NAV2: variants seen among roughly 807,000 people sequenced by gnomAD.
NAV2 encodes the protein neuron navigator 2.
A neutral mutation model predicts 223.2 loss-of-function variants in NAV2; 54 were observed. The ratio of observed to expected loss-of-function variants is 0.24; its 90% CI spans 0.19 to 0.30. NAV2 has a LOEUF of 0.30. NAV2 is among the 10% of genes least tolerant of loss of function. The pLI, the probability that NAV2 is intolerant of heterozygous loss-of-function variation, is 1.00. For missense variants in NAV2, 2,806 were observed against 3,147.5 expected (o/e 0.89, Z 2.60); for synonymous variants, 1,279 against 1,239.3 (o/e 1.03, Z -0.67).
Position 19,721,733 on chromosome 11 carries a change from T to C in NAV2, c.267+7771T>C, listed in dbSNP as rs190867513. On this transcript the variant is annotated intron_variant, in intron 1 of 37. Transcript: ENST00000349880. ...AAAATTGGAGATATTTGATTGTAGATTGTGTATTAGATAGTATTATTCTAT... is the reference window on the plus strand; with the variant it reads ...AAAATTGGAGATATTTGATTGTAGACTGTGTATTAGATAGTATTATTCTAT... 1.9e-3 allele frequency among the ~76,000 whole-genome samples: 285 copies of C among 152,346 alleles called. 1 individual carries two copies. The highest frequency in any genetic ancestry group is 6.3e-3 in the African/African-American group (261 of 41,582).
chr11:19,964,211 C>G (rs564661292), intron 10 of NAV2, among the ~76,000 whole-genome samples: 11 of 152,140 alleles, frequency 7.2e-5, no homozygotes, highest in Non-Finnish European at 1.6e-4. Context: ...TTTTCTCCCT[C>G]CTTTGCAAGC....
intron 5 of NAV2, chr11:19,884,365 T>C (rs1323498284): frequency 1.2e-6 from 2 of 1,612,624 alleles, no homozygotes; most frequent in Non-Finnish European, 1.7e-6. Flanking sequence ...ATCTCTAGGT[T>C]AGACTTTCTC....
intron 11 of NAV2, among the ~76,000 whole-genome samples, chr11:19,995,647 C>A (rs993519378): frequency 6.6e-6 from 1 of 152,024 alleles, no homozygotes; most frequent in Non-Finnish European, 1.5e-5. Flanking sequence ...AGGACAGCTG[C>A]GGTGGAGAGT....
intron 11 of NAV2, chr11:20,023,166 G>T (rs1278381849): frequency 1.3e-6 from 2 of 1,547,336 alleles, no homozygotes; most frequent in Non-Finnish European, 1.7e-6. Flanking sequence ...TGGGGCCAGG[G>T]GGTGGGTGTG....
chr11:20,080,232 G>A, intron 25 of NAV2, 23 bp downstream of exon 25: 1 of 1,607,010 alleles, frequency 6.2e-7, no homozygotes, highest in African/African-American at 1.3e-5. Flanking sequence ...CCACTCTCCT[G>A]GGGACTGACG....
rs184658937 is a variant in NAV2 at position 19,443,107 on chromosome 11, C to T, written c.75+92080C>T. Reference sequence around the variant, plus strand: ...CATGAATCTTGGGCATCATATTCCTCATACCACTTCCTTCTTCCTGAAGTC... The same window carrying T: ...CATGAATCTTGGGCATCATATTCCTTATACCACTTCCTTCTTCCTGAAGTC... On this transcript the variant is annotated intron_variant, in intron 1 of 37. Transcript: ENST00000360655. Among the ~76,000 whole-genome samples, 55 of 152,324 alleles carry T rather than the reference C, an allele frequency of 3.6e-4. No individual in the cohort carries two copies. In the East Asian group the frequency reaches 5.4e-3, roughly 15 times the overall value.
chr11:19,802,220 CAGA>C (rs984268436), intron 1 of NAV2, among the ~76,000 whole-genome samples: 1 of 152,010 alleles, frequency 6.6e-6, no homozygotes, highest in African/African-American at 2.4e-5. Flanking sequence ...TATAGGAGGT[CAGA>C]AGGTCTTTAC....
chr11:19,981,380 C>T (rs1335180182), intron 10 of NAV2: 1 of 152,198 alleles, frequency 6.6e-6, no homozygotes, highest in African/African-American at 2.4e-5. Flanking sequence ...GGAATGCTCA[C>T]CAGGCCCCAC....
intron 8 of NAV2, among the ~76,000 whole-genome samples, chr11:19,945,487 A>G (rs181047145): frequency 1.3e-5 from 2 of 152,140 alleles, no homozygotes; most frequent in Admixed American, 6.5e-5. Context: ...ACATCGTCCA[A>G]CCTTAGCCTC....
chr11:19,947,100 T>A (rs990582684), intron 9 of NAV2, among the ~76,000 whole-genome samples: 6 of 152,182 alleles, frequency 3.9e-5, no homozygotes, highest in African/African-American at 1.4e-4. Flanking sequence ...GTTTTATAGT[T>A]GTAGAAATCA....
rs1329363909 is a variant in NAV2 at position 19,713,441 on chromosome 11, C to A, written c.-255C>A. On this transcript the variant is annotated 5_prime_UTR_variant, in exon 1 of 38. Transcript: ENST00000349880. This position sits in a 1 kb window ranked among gnomAD's most constrained non-coding sequence, Gnocchi z 7.2. ...AAGGCCACCCAGGAGAGGTGTGAGA[C>A]CCGGCGGCAGCATCCGTCCAGGTGG... 1.0e-5 allele frequency: 13 copies of A among 1,274,102 alleles called. No individual in the cohort carries two copies. The highest frequency in any genetic ancestry group is 1.1e-5 in the Non-Finnish European group (11 of 1,014,252). 78.9% of individuals were successfully genotyped at this position (1,274,102 alleles called of 1,614,324 possible).
At chr11:19,969,152 T>G (rs2568127) in intron 10 of NAV2, among the ~76,000 whole-genome samples, 1 of 152,126 alleles carries the variant, frequency 6.6e-6, no homozygotes, top group Non-Finnish European at 1.5e-5. Flanking sequence ...GTTCTTTTGC[T>G]TTTCAAACTG....
chr11:20,097,959 A>T (rs1197816932), intron 31 of NAV2, among the ~76,000 whole-genome samples: 1 of 152,202 alleles, frequency 6.6e-6, no homozygotes. Flanking sequence ...TGCTGCAATT[A>T]TCTAACAAAA....
At chr11:20,077,508 T>G in intron 22 of NAV2, 44 bp from the exon 23 acceptor site, 1 of 1,479,318 alleles carries the variant, frequency 6.8e-7, no homozygotes, top group Non-Finnish European at 9.5e-7. Flanking sequence ...TAAGCACTCT[T>G]GCCTTGCAAG....
At chr11:20,091,784 A>G (rs182117331) in intron 27 of NAV2, among the ~76,000 whole-genome samples, 123 of 152,196 alleles carry the variant, frequency 8.1e-4, no homozygotes, top group Non-Finnish European at 1.5e-3. Flanking sequence ...AAAGGAGAAT[A>G]CCTTGATCAA....
At chr11:19,890,591 G>A (rs1360430140) in intron 5 of NAV2, among the ~76,000 whole-genome samples, 2 of 152,278 alleles carry the variant, frequency 1.3e-5, no homozygotes, top group African/African-American at 4.8e-5. Flanking sequence ...AGGCCTATCT[G>A]TGGGCATAAT....
chr11:19,373,067 C>G (rs1251131949), intron 1 of NAV2, among the ~76,000 whole-genome samples: 3 of 152,206 alleles, frequency 2.0e-5, no homozygotes, highest in Admixed American at 6.5e-5. Flanking sequence ...CCCACAGACA[C>G]AGATCATCTT....
intron 1 of NAV2, among the ~76,000 whole-genome samples, chr11:19,642,176 AC>A (rs747304033): frequency 1.8e-4 from 28 of 152,144 alleles, no homozygotes; most frequent in Admixed American, 1.3e-4. Context: ...GTGGCACTGT[AC>A]CCATAATGAT....
chr11:19,737,145 T>G (rs1203897138), intron 1 of NAV2, among the ~76,000 whole-genome samples: 1 of 152,212 alleles, frequency 6.6e-6, no homozygotes, highest in East Asian at 1.9e-4. Flanking sequence ...GTTTAGAGAC[T>G]GCTCTGAAGG....
Sources: gnomAD v4.1 joint callset for allele counts (sites outside exome capture counted in the v4.1 genomes callset) on GRCh38, gnomAD v4.1.1 for gene constraint, Gnocchi (gnomAD v3.1) non-coding constraint, MANE v1.5 for transcripts, NCBI Gene and HGNC (gene_info 2026-07-23, HGNC 2026-07-21) for gene names.